Variants in UGT1A9 observed in about 807,000 individuals in gnomAD.
UGT1A9 encodes the protein UDP glucuronosyltransferase family 1 member A9.
In UGT1A9, 35 loss-of-function variants were observed where a neutral mutation model predicts 45.0. The observed-to-expected ratio is 0.78, with a 90% CI of 0.59 to 1.03. UGT1A9 has a LOEUF of 1.03. Among genes scored for constraint, UGT1A9 ranks in the 50% least tolerant of loss-of-function variants. UGT1A9 has a pLI of 0.00. For synonymous variants in UGT1A9, 278 were observed against 250.6 expected, an observed-to-expected ratio of 1.11 and a Z score of -1.03; for missense variants, 687 against 666.6, an observed-to-expected ratio of 1.03 and a Z score of -0.34.
rs749895611 is a variant in UGT1A9 at position 233,672,731 on chromosome 2, T to C, written c.797T>C (p.Met266Thr). ...GTTTTGGACTATCCCAAACCCGTGA[T>C]GCCCAACATGATCTTCATTGGTGGT... Reference protein sequence around the residue: ...DFVLDYPKPVMPNMIFIGGIN... With the variant: ...DFVLDYPKPVTPNMIFIGGIN... The change falls in exon 1 of 5, where the codon ATG (methionine) becomes ACG (threonine). Residue 266 changes from methionine to threonine, a missense_variant. Transcript: ENST00000354728. 6.2e-7 allele frequency: 1 copy of C among 1,613,974 alleles called. No individual in the cohort carries two copies. The highest frequency in any genetic ancestry group is 2.2e-5 in the East Asian group (1 of 44,892).
chr2:233,727,329 TC>T (rs2077605729), intron 1 of UGT1A9, among the ~76,000 whole-genome samples: 1 of 152,014 alleles, frequency 6.6e-6, no homozygotes, highest in Non-Finnish European at 1.5e-5. Context: ...CACCAGGAGC[TC>T]CTCCCTCCCC....
At chr2:233,729,642 T>A in intron 1 of UGT1A9, 2 of 1,613,942 alleles carry the variant, frequency 1.2e-6, no homozygotes, top group Non-Finnish European at 1.7e-6. Context: ...CTGTGTTTTT[T>A]TTGAGGAACA....
chr2:233,692,942 G>C (rs867020660), intron 1 of UGT1A9: 1 of 1,596,314 alleles, frequency 6.3e-7, no homozygotes, highest in African/African-American at 1.3e-5. Flanking sequence ...AAAATACCTA[G>C]GAGCCCTGTG....
intron 1 of UGT1A9, among the ~76,000 whole-genome samples, chr2:233,724,315 G>A (rs1179998085): frequency 6.7e-6 from 1 of 148,800 alleles, no homozygotes; most frequent in African/African-American, 2.5e-5. Flanking sequence ...CTCCCGGACG[G>A]GGCGGCTGGC....
At chr2:233,748,802 C>G (rs1371204556) in intron 1 of UGT1A9, among the ~76,000 whole-genome samples, 1 of 151,284 alleles carries the variant, frequency 6.6e-6, no homozygotes, top group African/African-American at 2.5e-5. Context: ...CTGAAATTAT[C>G]AAGAAATTGT....
At chr2:233,698,234 T>A (rs2125574920) in intron 1 of UGT1A9, among the ~76,000 whole-genome samples, 1 of 152,312 alleles carries the variant, frequency 6.6e-6, no homozygotes, top group South Asian at 2.1e-4. Context: ...ATTAAAGTGA[T>A]CAAAATAGAA....
At chr2:233,685,962 G>T (rs2074766524) in intron 1 of UGT1A9, among the ~76,000 whole-genome samples, 1 of 152,080 alleles carries the variant, frequency 6.6e-6, no homozygotes, top group African/African-American at 2.4e-5. Context: ...GTAGATCAAT[G>T]GAATAGAATT....
chr2:233,697,043 T>A (rs2075371432), intron 1 of UGT1A9, among the ~76,000 whole-genome samples: 2 of 152,186 alleles, frequency 1.3e-5, no homozygotes, highest in Non-Finnish European at 2.9e-5. Context: ...TTTTCTTTTT[T>A]TTTGTTGTGT....
At chr2:233,746,988 A>C (rs1194642713) in intron 1 of UGT1A9, among the ~76,000 whole-genome samples, 1 of 151,882 alleles carries the variant, frequency 6.6e-6, no homozygotes, top group Non-Finnish European at 1.5e-5. Context: ...GCGCAGGGTC[A>C]GATGAGTTTT....
intron 1 of UGT1A9, chr2:233,719,222 T>G: frequency 6.2e-7 from 1 of 1,614,238 alleles, no homozygotes; most frequent in Non-Finnish European, 8.5e-7. Context: ...TACTGCATAA[T>G]GAGGCCCTGA....
intron 1 of UGT1A9, among the ~76,000 whole-genome samples, chr2:233,742,390 G>A (rs1691965200): frequency 6.6e-6 from 1 of 152,012 alleles, no homozygotes. Context: ...GATGGCTCAT[G>A]TTATTATTTG....
intron 1 of UGT1A9, chr2:233,755,014 G>A (rs1575730324): frequency 1.5e-6 from 2 of 1,293,190 alleles, no homozygotes; most frequent in Non-Finnish European, 2.1e-6. Context: ...TACTCGAAGG[G>A]GTCCTTGAAG....
chr2:233,743,667 C>G (rs201017854), intron 1 of UGT1A9: 4 of 1,367,108 alleles, frequency 2.9e-6, no homozygotes, highest in African/African-American at 1.5e-5. Context: ...AAGGGGTCCT[C>G]GAAGGGCCTG....
intron 1 of UGT1A9, chr2:233,760,440 G>A (rs1697447579): frequency 6.2e-7 from 1 of 1,614,228 alleles, no homozygotes; most frequent in Non-Finnish European, 8.5e-7. Flanking sequence ...AGCAGCTGCA[G>A]CAGAGGGGAC....
intron 1 of UGT1A9, among the ~76,000 whole-genome samples, chr2:233,752,970 T>C (rs1695100679): frequency 2.0e-5 from 3 of 152,220 alleles, no homozygotes; most frequent in South Asian, 2.1e-4. Context: ...ATGTAACCAA[T>C]TGTGTAGATA....
chr2:233,769,821 C>T lies in UGT1A9; in HGVS notation c.1295+1382C>T, dbSNP rs1699946575. 1.3e-6 allele frequency: 1 copy of T among 784,900 alleles called. No homozygotes were observed. 48.6% of individuals were successfully genotyped at this position (784,900 alleles called of 1,614,324 possible). A position where few individuals can be genotyped will look rare whatever the true frequency, so the allele number is the denominator to read the frequency against. The stretch of plus-strand genomic sequence containing the variant: ...TATGAGCCGTGATCATGCCACTGCA[C>T]TCCAGCAACCTGGGCAACAGAGTGA... On this transcript the variant is annotated intron_variant, in intron 4 of 4. Transcript: ENST00000354728. The surrounding 1 kb of genome is among the most constrained non-coding windows in gnomAD (Gnocchi z 4.4).
chr2:233,691,741 C>T (rs1019333955), intron 1 of UGT1A9: 1 of 650,910 alleles, frequency 1.5e-6, no homozygotes, highest in African/African-American at 2.0e-5. Context: ...GAAGCAGATA[C>T]CAGGCTTTCT....
chr2:233,758,308 C>G (rs1190172459), intron 1 of UGT1A9, among the ~76,000 whole-genome samples: 1 of 152,214 alleles, frequency 6.6e-6, no homozygotes. Flanking sequence ...TCCAGGTACA[C>G]AGCAGAAGCA....
intron 1 of UGT1A9, among the ~76,000 whole-genome samples, chr2:233,678,629 A>G (rs1442739534): frequency 1.3e-5 from 2 of 152,336 alleles, no homozygotes; most frequent in East Asian, 1.9e-4. Context: ...ATAGAAGTCA[A>G]TAGCAGTCTT....
Sources: gnomAD v4.1 joint callset for allele counts (sites outside exome capture counted in the v4.1 genomes callset) on GRCh38, gnomAD v4.1.1 for gene constraint, Gnocchi (gnomAD v3.1) non-coding constraint, MANE v1.5 for transcripts, NCBI Gene and HGNC (gene_info 2026-07-23, HGNC 2026-07-21) for gene names.